GRIA4: variants seen among roughly 807,000 people sequenced by gnomAD.
The protein encoded by GRIA4 is glutamate receptor 4.
Under a neutral mutation model 104.0 loss-of-function variants are expected in GRIA4, and 34 were observed. The ratio of observed to expected loss-of-function variants is 0.33; its 90% CI spans 0.25 to 0.44. The LOEUF is 0.44. GRIA4 is among the 20% of genes least tolerant of loss of function. The pLI is 1.00. For missense variants in GRIA4, 750 were observed against 1,096.5 expected (o/e 0.68, Z 4.46); for synonymous variants, 386 against 381.9 (o/e 1.01, Z -0.13).
intron 3 of GRIA4, among the ~76,000 whole-genome samples, chr11:105,661,702 G>A (rs1952015561): frequency 6.6e-6 from 1 of 151,580 alleles, no homozygotes; most frequent in Non-Finnish European, 1.5e-5. Context: ...AAAAAGAAGA[G>A]GAATAGATAA....
At chr11:105,761,061 A>T (rs1424811563) in intron 4 of GRIA4, among the ~76,000 whole-genome samples, 2 of 152,152 alleles carry the variant, frequency 1.3e-5, no homozygotes, top group Admixed American at 1.3e-4. Context: ...TAATTGAGAA[A>T]AGTACAAGGA....
rs113226237 is a variant in GRIA4, at chr11:105,866,643, A to G, written c.672+4435A>G. Among the ~76,000 whole-genome samples the G allele has an allele frequency of 6.5e-4, 96 of 148,036 alleles. 1 individual carries two copies. Among genetic ancestry groups the G allele is most frequent in the African/African-American group, 2.3e-3 (94 of 40,550 alleles). ...AAGCAAAACCGATACATTTTCTGCT[A>G]TGGTTAGTAACTCCTGTCTGGTTAA... On this transcript the variant is annotated intron_variant, in intron 5 of 16. Coordinates refer to ENST00000282499, the MANE Select transcript of GRIA4 (RefSeq NM_000829.4).
rs531632146 is a variant in GRIA4, at chr11:105,789,512, T to G, written c.487+36292T>G. On this transcript the variant is annotated intron_variant, in intron 4 of 16. Transcript: ENST00000282499. ...GTTCAAAGTGTTCAGAGACAGGTCA[T>G]GTATGTCCTCCCGCCCCTCCTTTGT... 5.9e-5 allele frequency among the ~76,000 whole-genome samples: 9 copies of G among 152,278 alleles called. No individual in the cohort carries two copies. In the South Asian group the frequency reaches 1.9e-3, roughly 32 times the overall value.
intron 4 of GRIA4, among the ~76,000 whole-genome samples, chr11:105,773,642 G>C (rs1346716578): frequency 6.6e-6 from 1 of 152,016 alleles, no homozygotes; most frequent in Non-Finnish European, 1.5e-5. Context: ...AAAGCAAAAG[G>C]AAAAGGGCTA....
intron 4 of GRIA4, among the ~76,000 whole-genome samples, chr11:105,852,766 T>TAATGGTAGAATAAATTAATTGCTC (rs763218011): frequency 6.6e-6 from 1 of 150,638 alleles, no homozygotes; most frequent in Non-Finnish European, 1.5e-5. Context: ...TCATCCTGTG[T>TAATGGTAGAATAAATTAATTGCTC]TTTTTCCTGC....
At chr11:105,685,820 CA>C (rs34648907) in intron 3 of GRIA4, among the ~76,000 whole-genome samples, 149,876 of 152,064 alleles carry the variant, frequency 0.99, 73,898 homozygotes, top group Middle Eastern at 1. Context: ...AGGCATCAAT[CA>C]AAAAAGTCAA....
At chr11:105,634,443 A>G (rs1951129108) in intron 3 of GRIA4, among the ~76,000 whole-genome samples, 1 of 118,020 alleles carries the variant, frequency 8.5e-6, no homozygotes, top group South Asian at 2.8e-4. Context: ...GGAGAAAGGA[A>G]GGAAGGAGAA....
intron 3 of GRIA4, among the ~76,000 whole-genome samples, chr11:105,695,737 G>A (rs1297497092): frequency 2.6e-5 from 4 of 152,060 alleles, no homozygotes; most frequent in African/African-American, 9.7e-5. Flanking sequence ...TTTGATAGGA[G>A]ATGAGAATTT....
At chr11:105,691,223 C>T (rs1953072283) in intron 3 of GRIA4, among the ~76,000 whole-genome samples, 1 of 152,130 alleles carries the variant, frequency 6.6e-6, no homozygotes, top group African/African-American at 2.4e-5. Context: ...GTGGCATATA[C>T]TTCCATAGGT....
rs1950437118 is a variant in GRIA4 at position 105,610,312 on chromosome 11, CCA to C, written c.-206_-205del. 1 of 152,438 alleles carries C rather than the reference CCA, an allele frequency of 6.6e-6. No individual in the cohort carries two copies. The highest frequency in any genetic ancestry group is 2.4e-5 in the African/African-American group (1 of 41,454). The allele number at this position is 152,438 out of a possible 1,614,324, so 9.4% of individuals were successfully genotyped here. ...AGAGGGGCGCTGGGGGTGCCCATCC[CCA>C]GAGTCGGTCCCTCTGCGAACCGAGG... On this transcript the variant is annotated 5_prime_UTR_variant, in exon 1 of 17. Coordinates refer to ENST00000282499, the MANE Select transcript of GRIA4 (RefSeq NM_000829.4).
At chr11:105,967,408 CA>C (rs1368859409) in intron 14 of GRIA4, among the ~76,000 whole-genome samples, 12 of 152,000 alleles carry the variant, frequency 7.9e-5, no homozygotes, top group Non-Finnish European at 1.8e-4. Flanking sequence ...AGCTTGTATC[CA>C]ACTCATTGTT....
intron 13 of GRIA4, among the ~76,000 whole-genome samples, chr11:105,928,648 A>C (rs1292603287): frequency 6.6e-6 from 1 of 152,056 alleles, no homozygotes; most frequent in East Asian, 1.9e-4. Context: ...CACTTTACTG[A>C]AAATTGATGA....
intron 14 of GRIA4, among the ~76,000 whole-genome samples, chr11:105,942,578 T>A (rs1948209571): frequency 6.6e-6 from 1 of 152,046 alleles, no homozygotes; most frequent in African/African-American, 2.4e-5. Flanking sequence ...GTCCTACAGC[T>A]AAGACTAGAA....
intron 5 of GRIA4, among the ~76,000 whole-genome samples, chr11:105,881,943 T>C (rs1052950701): frequency 6.6e-6 from 1 of 152,208 alleles, no homozygotes; most frequent in Non-Finnish European, 1.5e-5. Flanking sequence ...CTTACAAGGT[T>C]GTAGTTTAAG....
intron 4 of GRIA4, among the ~76,000 whole-genome samples, chr11:105,843,459 T>A (rs1944467576): frequency 6.6e-6 from 1 of 152,218 alleles, no homozygotes; most frequent in African/African-American, 2.4e-5. Context: ...TACCTAAAAA[T>A]TAATTTGGCT....
At chr11:105,686,519 G>A (rs917657500) in intron 3 of GRIA4, among the ~76,000 whole-genome samples, 1 of 152,164 alleles carries the variant, frequency 6.6e-6, no homozygotes, top group Non-Finnish European at 1.5e-5. Flanking sequence ...ATTGTGAATA[G>A]AGCTGCAATA....
intron 5 of GRIA4, among the ~76,000 whole-genome samples, chr11:105,874,317 T>C (rs1945735109): frequency 6.6e-6 from 1 of 152,212 alleles, no homozygotes; most frequent in Non-Finnish European, 1.5e-5. Flanking sequence ...TTGTTTACCA[T>C]AGCTTTGTAG....
At chr11:105,795,909 A>G (rs1441189420) in intron 4 of GRIA4, among the ~76,000 whole-genome samples, 2 of 152,126 alleles carry the variant, frequency 1.3e-5, no homozygotes, top group Non-Finnish European at 1.5e-5. Context: ...AATTCAAAGT[A>G]AAATAGAGGA....
At chr11:105,925,744 T>G (rs1947686634) in intron 12 of GRIA4, among the ~76,000 whole-genome samples, 1 of 152,132 alleles carries the variant, frequency 6.6e-6, no homozygotes, top group Non-Finnish European at 1.5e-5. Flanking sequence ...AAGCAAATAT[T>G]AAGTTAAACC....
Sources: gnomAD v4.1 joint callset for allele counts (sites outside exome capture counted in the v4.1 genomes callset) on GRCh38, gnomAD v4.1.1 for gene constraint, MANE v1.5 for transcripts, NCBI Gene and HGNC (gene_info 2026-07-23, HGNC 2026-07-21) for gene names.